The following GRK5 variants were observed in gnomAD, a reference collection of about 807,000 sequenced individuals.
The protein encoded by GRK5 is G protein-coupled receptor kinase 5, also known as g protein-coupled receptor kinase GRK5.
In GRK5, 40 loss-of-function variants were observed where a neutral mutation model predicts 78.4. The observed-to-expected ratio is 0.51, with a 90% CI of 0.40 to 0.66. The LOEUF is 0.66. Ranked by LOEUF, GRK5 falls within the 30% of genes least tolerant of loss-of-function variation. The pLI is 0.00. For synonymous variants in GRK5, 289 were observed against 296.8 expected, an observed-to-expected ratio of 0.97 and a Z score of 0.27; for missense variants, 598 against 759.9, an observed-to-expected ratio of 0.79 and a Z score of 2.50.
rs1478171404 is a variant in GRK5 at position 119,459,291 on chromosome 10, A to T, written c.*4224A>T. The stretch of plus-strand genomic sequence containing the variant: ...TTGAAGCTCAGCGTGTGCAAGTCAG[A>T]CCCTGCACAGGCCGGGGGTGTCTCA... On this transcript the variant is annotated 3_prime_UTR_variant, in exon 16 of 16. Transcript: ENST00000392870. 6.6e-6 allele frequency: 1 copy of T among 152,156 alleles called. No homozygotes were observed. The highest frequency in any genetic ancestry group is 1.5e-5 in the Non-Finnish European group (1 of 68,036). The allele number at this position is 152,156 out of a possible 1,614,324, so 9.4% of individuals were successfully genotyped here. A position where few individuals can be genotyped will look rare whatever the true frequency, so the allele number is the denominator to read the frequency against.
At chr10:119,321,841 A>G (rs1430376806) in intron 1 of GRK5, among the ~76,000 whole-genome samples, 1 of 152,104 alleles carries the variant, frequency 6.6e-6, no homozygotes, top group Non-Finnish European at 1.5e-5. Context: ...GGCTGCCTCC[A>G]AGTGGCTTAC....
At chr10:119,245,688 A>G (rs1564861678) in intron 1 of GRK5, among the ~76,000 whole-genome samples, 1 of 152,186 alleles carries the variant, frequency 6.6e-6, no homozygotes, top group Non-Finnish European at 1.5e-5. Context: ...TCTGCTGTAT[A>G]ACATTGTGCT....
chr10:119,397,501 C>T (rs925707460), intron 4 of GRK5, among the ~76,000 whole-genome samples: 4 of 152,216 alleles, frequency 2.6e-5, no homozygotes, highest in African/African-American at 7.2e-5. Context: ...GACTCACCTC[C>T]CGGAGGTGTT....
At chr10:119,454,401 A>G (rs906096243) in intron 15 of GRK5, among the ~76,000 whole-genome samples, 5 of 152,266 alleles carry the variant, frequency 3.3e-5, no homozygotes, top group Middle Eastern at 3.4e-3. Flanking sequence ...CGGCCCACAT[A>G]TGGGCACCAG....
rs923972877 is a variant in GRK5, at chr10:119,412,468, G to A, written c.340-10698G>A. On this transcript the variant is annotated intron_variant, in intron 4 of 15. Transcript: ENST00000392870. This position sits in a 1 kb window ranked among gnomAD's most constrained non-coding sequence, Gnocchi z 4.3. ...GACAGGCCACGAGCCCGCACAGCTC[G>A]TGAGCGTGTGGCCGGACTGATTTAT... Among the ~76,000 whole-genome samples the A allele has an allele frequency of 2.0e-5, 3 of 152,204 alleles. No homozygotes were observed. The highest frequency in any genetic ancestry group is 6.5e-5 in the Admixed American group (1 of 15,284).
At chr10:119,337,530 T>C (rs978672055) in intron 2 of GRK5, among the ~76,000 whole-genome samples, 4 of 152,350 alleles carry the variant, frequency 2.6e-5, no homozygotes, top group Admixed American at 6.5e-5. Context: ...TGGTGTTCTG[T>C]GGCTGTAGAC....
intron 1 of GRK5, among the ~76,000 whole-genome samples, chr10:119,297,023 T>C (rs1222923101): frequency 2.0e-5 from 3 of 152,218 alleles, no homozygotes; most frequent in Non-Finnish European, 4.4e-5. Context: ...ATAGGAGCCT[T>C]CTGGGAGCTG....
rs202089063 is a variant in GRK5 at position 119,443,645 on chromosome 10, G to A, written c.1159G>A (p.Gly387Ser). Residue 387 changes from glycine (G) to serine (S), a missense_variant, in exon 12 of 16, where the codon GGC (glycine) becomes AGC (serine). Coordinates refer to ENST00000392870, the MANE Select transcript of GRK5 (RefSeq NM_005308.3). ...EMIEGQSPFRGRKEKVKREEV... is the reference protein window; with the variant it reads ...EMIEGQSPFRSRKEKVKREEV... ...GATCGAGGGCCAGTCGCCGTTCCGCGGCCGCAAGGAGAAGGTGAAGCGGGA... is the reference window on the plus strand; with the variant it reads ...GATCGAGGGCCAGTCGCCGTTCCGCAGCCGCAAGGAGAAGGTGAAGCGGGA... 1.9e-5 allele frequency: 31 copies of A among 1,613,576 alleles called. No individual in the cohort carries two copies. The highest frequency in any genetic ancestry group is 1.2e-4 in the Admixed American group (7 of 60,024).
intron 1 of GRK5, among the ~76,000 whole-genome samples, chr10:119,249,076 C>T (rs528577950): frequency 7.9e-5 from 12 of 152,130 alleles, no homozygotes; most frequent in Non-Finnish European, 1.5e-4. Context: ...CAAGACCAGC[C>T]TGGTCAACAT....
At chr10:119,327,446 A>G (rs1378539498) in intron 2 of GRK5, among the ~76,000 whole-genome samples, 2 of 152,122 alleles carry the variant, frequency 1.3e-5, no homozygotes, top group Admixed American at 6.5e-5. Flanking sequence ...TATTATTGTC[A>G]GAGGTCATGG....
At chr10:119,320,571 C>T (rs564965900) in intron 1 of GRK5, among the ~76,000 whole-genome samples, 3 of 152,320 alleles carry the variant, frequency 2.0e-5, no homozygotes, top group Admixed American at 6.5e-5. Flanking sequence ...GCTTCACAAC[C>T]GAGCTCAGAG....
intron 1 of GRK5, among the ~76,000 whole-genome samples, chr10:119,285,000 C>G (rs1564876502): frequency 6.6e-6 from 1 of 152,176 alleles, no homozygotes; most frequent in Non-Finnish European, 1.5e-5. Flanking sequence ...AGGGCTGTTG[C>G]AACACTCCCG....
intron 3 of GRK5, among the ~76,000 whole-genome samples, chr10:119,387,139 G>T (rs557609973): frequency 4.6e-5 from 7 of 152,132 alleles, no homozygotes; most frequent in Admixed American, 4.6e-4. Flanking sequence ...TGAGTAGCAG[G>T]GATTACAGGT....
At position 119,452,748 on chromosome 10, in the gene GRK5, A is replaced by G. The variant is rs146588150; in HGVS notation, c.1482A>G (p.Thr494=). 1.3e-4 allele frequency: 203 copies of G among 1,611,214 alleles called. No individual in the cohort carries two copies. Among genetic ancestry groups the G allele is most frequent in the Non-Finnish European group, 1.6e-4 (193 of 1,178,524 alleles). ...TGAAGGGCGTCAATCTGGACCACAC[A>G]GACGACGACTTCTACTCCAAGTTCT... The part of the protein sequence containing the change: ...STVKGVNLDH[T]DDDFYSKFST... The change falls in exon 14 of 16, where the codon ACA becomes ACG. Residue 494 remains threonine (T), a synonymous_variant. Coordinates refer to ENST00000392870, the MANE Select transcript of GRK5 (RefSeq NM_005308.3). The surrounding 1 kb of genome is among the most constrained non-coding windows in gnomAD (Gnocchi z 4.4).
chr10:119,440,825 A>G (rs956743898), intron 10 of GRK5, among the ~76,000 whole-genome samples: 2 of 152,038 alleles, frequency 1.3e-5, no homozygotes, highest in African/African-American at 4.8e-5. Flanking sequence ...TGCTGGGATT[A>G]CAGGCATGAG....
At chr10:119,274,015 G>A (rs555489973) in intron 1 of GRK5, among the ~76,000 whole-genome samples, 10 of 152,224 alleles carry the variant, frequency 6.6e-5, no homozygotes, top group African/African-American at 2.2e-4. Flanking sequence ...TTCAGTGCTC[G>A]GATTATAGGC....
intron 1 of GRK5, among the ~76,000 whole-genome samples, chr10:119,218,074 TTGTGTGTGTGTGTG>T (rs59742803): frequency 6.8e-6 from 1 of 146,498 alleles, no homozygotes; most frequent in South Asian, 2.2e-4. Context: ...GTCAACCCGT[TTGTGTGTGTGTGTG>T]TGTGTGTGTG....
At chr10:119,237,886 G>C (rs1848958326) in intron 1 of GRK5, among the ~76,000 whole-genome samples, 1 of 151,854 alleles carries the variant, frequency 6.6e-6, no homozygotes, top group African/African-American at 2.4e-5. Flanking sequence ...GACTATTATG[G>C]GCCAGCTGTT....
chr10:119,208,911 CT>C (rs149905601), intron 1 of GRK5, among the ~76,000 whole-genome samples: 9 of 148,702 alleles, frequency 6.1e-5, no homozygotes, highest in African/African-American at 1.7e-4. Flanking sequence ...GCATATTTTC[CT>C]TTTTTTTTTC....
Sources: allele counts gnomAD v4.1 joint callset (sites outside exome capture counted in the v4.1 genomes callset), GRCh38; gene constraint gnomAD v4.1.1; non-coding constraint Gnocchi (gnomAD v3.1); transcripts MANE v1.5; gene names NCBI Gene and HGNC (gene_info 2026-07-23, HGNC 2026-07-21).